The following CACNA2D1 variants were observed in gnomAD, a reference collection of about 807,000 sequenced individuals.
The protein encoded by CACNA2D1 is voltage-dependent calcium channel subunit alpha-2/delta-1.
In CACNA2D1, 53 loss-of-function variants were observed where a neutral mutation model predicts 171.5. The ratio of observed to expected loss-of-function variants is 0.31; its 90% CI spans 0.25 to 0.39. The LOEUF (loss-of-function observed/expected upper bound fraction) is 0.39. CACNA2D1 is among the 10% of genes least tolerant of loss of function. The pLI, the probability that CACNA2D1 is intolerant of heterozygous loss-of-function variation, is 1.00. For missense variants in CACNA2D1, 903 were observed against 1,299.8 expected (o/e 0.69, Z 4.69); for synonymous variants, 442 against 443.1 (o/e 1.00, Z 0.03).
intron 5 of CACNA2D1, among the ~76,000 whole-genome samples, chr7:82,119,517 C>T (rs1789469993): frequency 6.6e-6 from 1 of 152,074 alleles, no homozygotes; most frequent in Non-Finnish European, 1.5e-5. Context: ...AAAGCTCTTG[C>T]AAATTTAACA....
At chr7:82,057,273 C>A (rs948655703) in intron 10 of CACNA2D1, among the ~76,000 whole-genome samples, 1 of 152,122 alleles carries the variant, frequency 6.6e-6, no homozygotes, top group African/African-American at 2.4e-5. Context: ...CCTCCACCCC[C>A]CTGGCTTTGC....
At chr7:82,105,894 C>T (rs1333861712) in intron 6 of CACNA2D1, among the ~76,000 whole-genome samples, 1 of 152,098 alleles carries the variant, frequency 6.6e-6, no homozygotes, top group East Asian at 1.9e-4. Context: ...AAAACAGAGC[C>T]ACCTTTTTAG....
chr7:82,213,734 G>C (rs1478333059), intron 3 of CACNA2D1, among the ~76,000 whole-genome samples: 1 of 152,108 alleles, frequency 6.6e-6, no homozygotes, highest in Non-Finnish European at 1.5e-5. Flanking sequence ...GCACCTGGCT[G>C]ACTTGTCACG....
chr7:82,427,394 C>A (rs1303298378), intron 1 of CACNA2D1, among the ~76,000 whole-genome samples: 3 of 152,054 alleles, frequency 2.0e-5, no homozygotes, highest in African/African-American at 4.8e-5. Flanking sequence ...ACAACTAAAA[C>A]CAAGTTTTTA....
At chr7:82,417,543 G>C (rs2129456442) in intron 1 of CACNA2D1, among the ~76,000 whole-genome samples, 1 of 152,224 alleles carries the variant, frequency 6.6e-6, no homozygotes, top group East Asian at 1.9e-4. Flanking sequence ...GCCAGAATTG[G>C]ACACCACTGG....
chr7:82,410,239 T>A (rs1827501225), intron 1 of CACNA2D1, among the ~76,000 whole-genome samples: 1 of 152,204 alleles, frequency 6.6e-6, no homozygotes, highest in Admixed American at 6.5e-5. Flanking sequence ...GAAAAAAAGA[T>A]GCTCTACTTT....
intron 9 of CACNA2D1, 33 bp downstream of exon 9, chr7:82,064,267 TTCTC>T: frequency 7.2e-7 from 1 of 1,380,840 alleles, no homozygotes; most frequent in Non-Finnish European, 1.0e-6. Context: ...TCCTCCCATA[TTCTC>T]AATATATAAA....
chr7:82,288,649 T>C (rs774828418), intron 3 of CACNA2D1, among the ~76,000 whole-genome samples: 4 of 152,176 alleles, frequency 2.6e-5, no homozygotes, highest in Non-Finnish European at 5.9e-5. Flanking sequence ...TTTCTTCTAG[T>C]ATTAATTTTA....
intron 3 of CACNA2D1, among the ~76,000 whole-genome samples, chr7:82,249,742 GCTGATTGGC>G: frequency 2.0e-5 from 3 of 149,724 alleles, no homozygotes; most frequent in African/African-American, 7.7e-5. Flanking sequence ...CGCATGTTGT[GCTGATTGGC>G]TTAGACAGAT....
chr7:82,338,706 C>A (rs1032350265), intron 2 of CACNA2D1, among the ~76,000 whole-genome samples: 1 of 152,052 alleles, frequency 6.6e-6, no homozygotes, highest in Non-Finnish European at 1.5e-5. Context: ...TCTAGAGCAG[C>A]CGAAGGTGAG....
At chr7:82,133,946 G>T (rs541089685) in intron 5 of CACNA2D1, among the ~76,000 whole-genome samples, 1 of 152,008 alleles carries the variant, frequency 6.6e-6, no homozygotes, top group Non-Finnish European at 1.5e-5. Flanking sequence ...GGTGGCGGGC[G>T]CCTGTAGTCC....
At chr7:82,401,639 TG>T (rs1317068768) in intron 1 of CACNA2D1, among the ~76,000 whole-genome samples, 1 of 151,704 alleles carries the variant, frequency 6.6e-6, no homozygotes, top group African/African-American at 2.4e-5. Flanking sequence ...CGCACCAGCG[TG>T]GCACATGTAT....
chr7:82,200,351 T>C (rs1237990560), intron 3 of CACNA2D1, among the ~76,000 whole-genome samples: 1 of 152,082 alleles, frequency 6.6e-6, no homozygotes, highest in Non-Finnish European at 1.5e-5. Context: ...TTAATTGAAA[T>C]ATACCTGTGA....
chr7:82,119,289 T>C (rs747334446), intron 5 of CACNA2D1, among the ~76,000 whole-genome samples: 5 of 152,138 alleles, frequency 3.3e-5, no homozygotes, highest in Admixed American at 2.6e-4. Context: ...TTCTGAAATA[T>C]ATTCAAATGC....
intron 6 of CACNA2D1, among the ~76,000 whole-genome samples, chr7:82,103,590 T>G (rs759176127): frequency 2.0e-5 from 3 of 152,154 alleles, no homozygotes; most frequent in Non-Finnish European, 4.4e-5. Context: ...ACATTTTATG[T>G]TAATTTTTTA....
intron 5 of CACNA2D1, among the ~76,000 whole-genome samples, chr7:82,125,163 C>A (rs576080207): frequency 4.6e-5 from 7 of 152,208 alleles, no homozygotes; most frequent in African/African-American, 1.7e-4. Flanking sequence ...AGCAGACTAG[C>A]CAAATGTCCC....
chr7:82,440,331 A>G (rs927337097), intron 1 of CACNA2D1, among the ~76,000 whole-genome samples: 1 of 151,920 alleles, frequency 6.6e-6, no homozygotes, highest in East Asian at 1.9e-4. Flanking sequence ...AATTACCATT[A>G]TAATACTGGC....
In CACNA2D1 at chr7:82,359,270, G is replaced by A. The variant is rs141173632; in HGVS notation, c.96-9621C>T. ...TTTTCTCAGTCATTGCAAATTGTTC[G>A]CAAAATTTACTTCAGCCTAATTCGA... On this transcript the variant is annotated intron_variant, in intron 1 of 38. Coordinates refer to ENST00000356860, the MANE Select transcript of CACNA2D1 (RefSeq NM_000722.4). Among the ~76,000 whole-genome samples, 1,141 of 151,988 alleles carry A rather than the reference G, an allele frequency of 7.5e-3. 20 individuals carry two copies. Among genetic ancestry groups the A allele is most frequent in the African/African-American group, 0.026 (1,057 of 41,434 alleles).
chr7:82,106,481 T>G, intron 6 of CACNA2D1, among the ~76,000 whole-genome samples: 1 of 152,196 alleles, frequency 6.6e-6, no homozygotes. Context: ...CACTGAATTT[T>G]GCACACATTC....
Sources: gnomAD v4.1 joint callset for allele counts (sites outside exome capture counted in the v4.1 genomes callset) on GRCh38, gnomAD v4.1.1 for gene constraint, MANE v1.5 for transcripts, NCBI Gene and HGNC (gene_info 2026-07-23, HGNC 2026-07-21) for gene names.